TMOD1: variants seen among roughly 807,000 people sequenced by gnomAD.
TMOD1 encodes the protein tropomodulin-1.
Under a neutral mutation model 40.6 loss-of-function variants are expected in TMOD1, and 17 were observed. That is an observed-to-expected ratio of 0.42 (90% CI 0.29 to 0.63). The LOEUF (loss-of-function observed/expected upper bound fraction) is 0.63. Ranked by LOEUF, TMOD1 falls within the 20% of genes least tolerant of loss-of-function variation. TMOD1 has a pLI of 0.22. For missense variants in TMOD1, 391 were observed against 447.6 expected, an observed-to-expected ratio of 0.87 and a Z score of 1.14; for synonymous variants, 181 against 175.0, an observed-to-expected ratio of 1.03 and a Z score of -0.27.
intron 1 of TMOD1, among the ~76,000 whole-genome samples, chr9:97,521,213 C>T (rs1405167144): frequency 3.9e-5 from 6 of 152,146 alleles, no homozygotes; most frequent in Admixed American, 2.0e-4. Flanking sequence ...TTCTCAGAGA[C>T]GTGCTTTTAT....
chr9:97,527,665 G>C lies in TMOD1; in HGVS notation c.120+3357G>C, dbSNP rs529685266. Reference sequence around the variant, plus strand: ...ACGCGGGGGAAGAGGGGGCGGCAAGGCCGACTGACGGGTTTAGACTTTGCT... The same window carrying C: ...ACGCGGGGGAAGAGGGGGCGGCAAGCCCGACTGACGGGTTTAGACTTTGCT... On this transcript the variant is annotated intron_variant, in intron 2 of 9. Transcript: ENST00000259365. Among the ~76,000 whole-genome samples the C allele has an allele frequency of 2.2e-4, 34 of 152,322 alleles. No individual in the cohort carries two copies. In the South Asian group the frequency reaches 2.5e-3, roughly 11 times the overall value.
chr9:97,515,933 G>T (rs1300145263), intron 1 of TMOD1, among the ~76,000 whole-genome samples: 1 of 152,100 alleles, frequency 6.6e-6, no homozygotes, highest in Non-Finnish European at 1.5e-5. Context: ...CGCTGCAAAG[G>T]TCTCTGCACA....
Position 97,567,756 on chromosome 9 carries a change from G to A in TMOD1, c.727-1138G>A, listed in dbSNP as rs578043852. 1.5e-4 allele frequency among the ~76,000 whole-genome samples: 23 copies of A among 152,222 alleles called. No homozygotes were observed. In the East Asian group the frequency reaches 4.3e-3, roughly 28 times the overall value. ...GAGAAAGCTGACATGCCATCCCGGGGGCACACTGAAGTGAAGGGCACTGAG... is the reference window on the plus strand; with the variant it reads ...GAGAAAGCTGACATGCCATCCCGGGAGCACACTGAAGTGAAGGGCACTGAG... On this transcript the variant is annotated intron_variant, in intron 7 of 9. Coordinates refer to ENST00000259365, the MANE Select transcript of TMOD1 (RefSeq NM_003275.4).
chr9:97,559,794 A>AAATATATATATAT (rs1390791825), intron 4 of TMOD1, among the ~76,000 whole-genome samples: 1 of 23,180 alleles, frequency 4.3e-5, no homozygotes, highest in Non-Finnish European at 7.7e-5. Flanking sequence ...AAAAAAAAAA[A>AAATATATATATAT]ATATATATAT....
At chr9:97,526,156 C>T (rs1475056048) in intron 2 of TMOD1, among the ~76,000 whole-genome samples, 1 of 152,186 alleles carries the variant, frequency 6.6e-6, no homozygotes. Context: ...CCCGTTATAT[C>T]GAGCCAGCAG....
intron 6 of TMOD1, among the ~76,000 whole-genome samples, chr9:97,565,543 C>T (rs889898852): frequency 6.6e-6 from 1 of 151,996 alleles, no homozygotes; most frequent in African/African-American, 2.4e-5. Flanking sequence ...CCTCTCACAC[C>T]CCTAGTCCTA....
intron 3 of TMOD1, among the ~76,000 whole-genome samples, chr9:97,547,047 T>C (rs1269218877): frequency 1.3e-5 from 2 of 151,946 alleles, no homozygotes; most frequent in African/African-American, 4.8e-5. Context: ...CTCTGCTCTT[T>C]CTCCAAAGTT....
chr9:97,501,331 A>G (rs1351022040), upstream of TMOD1: 1 of 152,190 alleles, frequency 6.6e-6, no homozygotes, highest in Non-Finnish European at 1.5e-5. Context: ...CAGATTCTCA[A>G]AATCTTAAAT....
chr9:97,583,067 C>T (rs1330787843), intron 8 of TMOD1, among the ~76,000 whole-genome samples: 7 of 148,282 alleles, frequency 4.7e-5, no homozygotes, highest in Non-Finnish European at 8.9e-5. Context: ...GAGGGCATCC[C>T]TGTCTTGTGC....
intron 2 of TMOD1, among the ~76,000 whole-genome samples, chr9:97,532,284 C>T (rs2131231097): frequency 1.3e-5 from 2 of 152,314 alleles, no homozygotes; most frequent in South Asian, 4.1e-4. Context: ...TGTGTGTCCC[C>T]ACCCTACCCT....
intron 1 of TMOD1, among the ~76,000 whole-genome samples, chr9:97,514,303 T>C (rs10118425): frequency 2.8e-5 from 4 of 144,294 alleles, no homozygotes; most frequent in Non-Finnish European, 6.0e-5. Flanking sequence ...TTTTTAGTAA[T>C]GACAGGGTTT....
rs771571898 is a variant in TMOD1, at chr9:97,599,652, C to T, written c.1034C>T (p.Ala345Val). ...TTTCCAGTGAGGAAGAGGAGGCTTG[C>T]GGACCTGACTGGGCCCATCATTCCC... The part of the protein sequence containing the change: ...NNDLVRKRRL[A>V]DLTGPIIPKC... The change falls in exon 10 of 10, where the codon GCG becomes GTG. Residue 345 changes from alanine to valine, a missense_variant. Physicochemically the swap from Ala to Val is moderately conservative, Grantham distance 64. Coordinates refer to ENST00000259365, the MANE Select transcript of TMOD1 (RefSeq NM_003275.4). 7.7e-5 allele frequency: 125 copies of T among 1,613,986 alleles called. No individual in the cohort carries two copies. Among genetic ancestry groups the T allele is most frequent in the Non-Finnish European group, 9.7e-5 (115 of 1,180,012 alleles).
intron 9 of TMOD1, among the ~76,000 whole-genome samples, chr9:97,598,736 G>A (rs1418421962): frequency 3.3e-5 from 5 of 152,162 alleles, no homozygotes; most frequent in East Asian, 1.9e-4. Context: ...GTTGCAGCTC[G>A]TATTCATCGA....
chr9:97,519,729 C>T (rs1829884956), intron 1 of TMOD1, among the ~76,000 whole-genome samples: 1 of 152,198 alleles, frequency 6.6e-6, no homozygotes, highest in African/African-American at 2.4e-5. Context: ...CTGGGCCAGG[C>T]ACAGGGCAAG....
At chr9:97,516,431 G>A (rs980309886) in intron 1 of TMOD1, 3 of 152,804 alleles carry the variant, frequency 2.0e-5, no homozygotes, top group Admixed American at 6.5e-5. Flanking sequence ...GGTGAGGTGC[G>A]CTTTAAAGAC....
chr9:97,516,018 G>A (rs1444014714), intron 1 of TMOD1, among the ~76,000 whole-genome samples: 2 of 152,124 alleles, frequency 1.3e-5, no homozygotes, highest in Non-Finnish European at 2.9e-5. Flanking sequence ...AACTAAGGAA[G>A]CTAAGCCCCC....
intron 8 of TMOD1, among the ~76,000 whole-genome samples, chr9:97,583,977 A>C (rs531968880): frequency 6.6e-6 from 1 of 152,070 alleles, no homozygotes; most frequent in Admixed American, 6.6e-5. Context: ...AATTTTTTGA[A>C]GGGTTTTTTT....
At chr9:97,575,577 CT>C (rs1830921354) in intron 8 of TMOD1, among the ~76,000 whole-genome samples, 1 of 152,204 alleles carries the variant, frequency 6.6e-6, no homozygotes, top group Non-Finnish European at 1.5e-5. Flanking sequence ...GTCTGGGACT[CT>C]GGAGTTGGAT....
chr9:97,563,024 T>G (rs2131265154), intron 5 of TMOD1, among the ~76,000 whole-genome samples: 1 of 152,354 alleles, frequency 6.6e-6, no homozygotes, highest in Non-Finnish European at 1.5e-5. Context: ...TATATTTTCT[T>G]CTAAAAGTTT....
Sources: gnomAD v4.1 joint callset for allele counts (sites outside exome capture counted in the v4.1 genomes callset) on GRCh38, gnomAD v4.1.1 for gene constraint, MANE v1.5 for transcripts, NCBI Gene and HGNC (gene_info 2026-07-23, HGNC 2026-07-21) for gene names.